Variants in BRINP1 observed in about 807,000 individuals in gnomAD.
BRINP1 encodes BMP/retinoic acid-inducible neural-specific protein 1.
BRINP1 carries 17 observed loss-of-function variants against 72.9 expected under a neutral mutation model. That is an observed-to-expected ratio of 0.23 (90% CI 0.16 to 0.35). BRINP1 has a LOEUF of 0.35. Among genes scored for constraint, BRINP1 ranks in the 10% least tolerant of loss-of-function variants. BRINP1 has a pLI of 1.00. For synonymous variants in BRINP1, 418 were observed against 378.5 expected (o/e 1.10, Z -1.21); for missense variants, 850 against 1,001.6 (o/e 0.85, Z 2.04).
intron 2 of BRINP1, among the ~76,000 whole-genome samples, chr9:119,258,629 G>A (rs1588180761): frequency 6.6e-6 from 1 of 152,192 alleles, no homozygotes; most frequent in East Asian, 1.9e-4. Flanking sequence ...TAGAGAGAGA[G>A]GGACTTGCTA....
intron 2 of BRINP1, among the ~76,000 whole-genome samples, chr9:119,291,450 TTC>T (rs889116587): frequency 1.3e-5 from 2 of 152,194 alleles, no homozygotes; most frequent in African/African-American, 4.8e-5. Flanking sequence ...TATCCAGGTG[TTC>T]TCTCTGTCTT....
chr9:119,349,249 A>T (rs1405951281), intron 1 of BRINP1, among the ~76,000 whole-genome samples: 1 of 152,184 alleles, frequency 6.6e-6, no homozygotes, highest in Admixed American at 6.5e-5. Context: ...TGGTGCCTGG[A>T]GTCCTCCTAG....
intron 7 of BRINP1, among the ~76,000 whole-genome samples, chr9:119,173,112 G>GTGT (rs1383870506): frequency 1.4e-5 from 2 of 146,254 alleles, no homozygotes; most frequent in Non-Finnish European, 3.0e-5. Flanking sequence ...ATTCAACATA[G>GTGT]TGTTGGAAGT....
chr9:119,316,285 G>A (rs759032874), intron 1 of BRINP1, among the ~76,000 whole-genome samples: 5 of 152,036 alleles, frequency 3.3e-5, no homozygotes, highest in Admixed American at 2.0e-4. Context: ...ACAGGGTTTC[G>A]CCATGTTGGC....
chr9:119,295,374 T>C (rs1197731564), intron 2 of BRINP1, among the ~76,000 whole-genome samples: 5 of 152,090 alleles, frequency 3.3e-5, no homozygotes, highest in Non-Finnish European at 7.4e-5. Flanking sequence ...CATCACAGAG[T>C]ATACTTGCAC....
At chr9:119,182,657 T>A (rs1349139546) in intron 7 of BRINP1, among the ~76,000 whole-genome samples, 2 of 152,200 alleles carry the variant, frequency 1.3e-5, no homozygotes, top group African/African-American at 4.8e-5. Context: ...CCAAAAGCCC[T>A]TACCAGACAA....
At position 119,167,941 on chromosome 9, in the gene BRINP1, A is replaced by G. The variant is rs1829340416; in HGVS notation, c.1429T>C (p.Phe477Leu). The change falls in exon 8 of 8, where the codon TTT (phenylalanine) becomes CTT (leucine). Residue 477 changes from phenylalanine (F) to leucine (L), a missense_variant. Phe to Leu is a conservative substitution (Grantham distance 22, BLOSUM62 0). Coordinates refer to ENST00000265922, the MANE Select transcript of BRINP1 (RefSeq NM_014618.3). The surrounding 1 kb of genome is among the most constrained non-coding windows in gnomAD (Gnocchi z 4.3). ...TCCTGGAAGTCCAGGTCAGTCTCAA[A>G]GCTGATGAACTGCTCGCTCCGCTCC... ...DSERSEQFIS[F>L]ETDLDFQDLE... The G allele has an allele frequency of 6.2e-7, 1 of 1,614,196 alleles. No homozygotes were observed. The highest frequency in any genetic ancestry group is 1.3e-5 in the African/African-American group (1 of 75,052).
chr9:119,208,815 T>A lies in BRINP1; in HGVS notation c.1049A>T (p.Glu350Val). 1.2e-6 allele frequency: 2 copies of A among 1,614,170 alleles called. No homozygotes were observed. The highest frequency in any genetic ancestry group is 1.7e-6 in the Non-Finnish European group (2 of 1,180,028). ...GCGTTGGATCTTTTGTCTCTGTGCC[T>A]CCGTGGCACTCTGCAGGAGCTTGTA... The part of the protein sequence containing the change: ...NRYKLLQSAT[E>V]AQRQKIQRTA... The change falls in exon 7 of 8, where the codon GAG becomes GTG. Residue 350 changes from glutamate to valine, a missense_variant. Transcript: ENST00000265922.
At position 119,368,955 on chromosome 9, in the gene BRINP1, T is replaced by G; in HGVS notation, c.-51+101A>C. 2.6e-6 allele frequency: 1 copy of G among 384,112 alleles called. No homozygotes were observed. Among genetic ancestry groups the G allele is most frequent in the Non-Finnish European group, 4.6e-6 (1 of 217,292 alleles). The allele number at this position is 384,112 out of a possible 1,614,324, so 23.8% of individuals were successfully genotyped here. On this transcript the variant is annotated intron_variant, in intron 1 of 7. Coordinates refer to ENST00000265922, the MANE Select transcript of BRINP1 (RefSeq NM_014618.3). The surrounding 1 kb of genome is among the most constrained non-coding windows in gnomAD (Gnocchi z 4.7). ...GGTGAAGAGCGGACAAGGGTGCCGGTAGGGGGAGGGGCAGAGGAGCGCGGG... is the reference window on the plus strand; with the variant it reads ...GGTGAAGAGCGGACAAGGGTGCCGGGAGGGGGAGGGGCAGAGGAGCGCGGG...
At chr9:119,202,647 T>A (rs940820713) in intron 7 of BRINP1, among the ~76,000 whole-genome samples, 4 of 152,174 alleles carry the variant, frequency 2.6e-5, no homozygotes, top group Non-Finnish European at 5.9e-5. Context: ...TCCCTTGATA[T>A]GTCCAGCTGC....
At chr9:119,330,275 A>C (rs1831286539) in intron 1 of BRINP1, among the ~76,000 whole-genome samples, 1 of 152,166 alleles carries the variant, frequency 6.6e-6, no homozygotes, top group Non-Finnish European at 1.5e-5. Context: ...CAAATTCTTT[A>C]ACAAGGCATT....
At chr9:119,353,940 G>A (rs1831532285) in intron 1 of BRINP1, among the ~76,000 whole-genome samples, 1 of 144,526 alleles carries the variant, frequency 6.9e-6, no homozygotes, top group Non-Finnish European at 1.5e-5. Context: ...CAATAGATCT[G>A]GAACAATCTT....
intron 2 of BRINP1, among the ~76,000 whole-genome samples, chr9:119,250,572 A>G (rs1223584254): frequency 6.6e-6 from 1 of 152,252 alleles, no homozygotes; most frequent in African/African-American, 2.4e-5. Flanking sequence ...GCAAGGTGCT[A>G]ATTTAATGTG....
chr9:119,305,916 A>G lies in BRINP1; in HGVS notation c.218+7222T>C, dbSNP rs114482221. Among the ~76,000 whole-genome samples the G allele has an allele frequency of 4.8e-3, 728 of 152,316 alleles. 5 individuals carry two copies. Among genetic ancestry groups the G allele is most frequent in the African/African-American group, 0.017 (691 of 41,574 alleles). On this transcript the variant is annotated intron_variant, in intron 2 of 7. Coordinates refer to ENST00000265922, the MANE Select transcript of BRINP1 (RefSeq NM_014618.3). ...TAAACATTTTTTCAAATGAGTGAGT[A>G]AGCTGCAGGTGCCCCAGATCACAGA...
At chr9:119,284,027 C>A (rs1830736779) in intron 2 of BRINP1, among the ~76,000 whole-genome samples, 1 of 152,136 alleles carries the variant, frequency 6.6e-6, no homozygotes, top group Non-Finnish European at 1.5e-5. Flanking sequence ...CCGAATGAAT[C>A]CAAATCTATA....
chr9:119,199,800 C>CTTT (rs11375044), intron 7 of BRINP1, among the ~76,000 whole-genome samples: 4 of 145,874 alleles, frequency 2.7e-5, no homozygotes, highest in African/African-American at 7.5e-5. Flanking sequence ...TCTTGTTCTT[C>CTTT]TTTTTTTTTT....
intron 7 of BRINP1, among the ~76,000 whole-genome samples, chr9:119,177,901 A>AATG (rs376107148): frequency 1.3e-4 from 20 of 152,132 alleles, no homozygotes; most frequent in African/African-American, 4.8e-4. Flanking sequence ...AGAAGGCATT[A>AATG]ATGATACAGC....
chr9:119,227,202 C>T (rs986933985), intron 5 of BRINP1, among the ~76,000 whole-genome samples: 1 of 151,974 alleles, frequency 6.6e-6, no homozygotes, highest in East Asian at 1.9e-4. Flanking sequence ...TACATGTGTT[C>T]TTATTCCCAT....
chr9:119,166,854 G>T lies in BRINP1; in HGVS notation c.*230C>A. On this transcript the variant is annotated 3_prime_UTR_variant, in exon 8 of 8. Coordinates refer to ENST00000265922, the MANE Select transcript of BRINP1 (RefSeq NM_014618.3). ...CAACTCCCTCAATGCTCCACAAAAG[G>T]CTGAGACCCTTCTTCATGACAGAGT... 2.0e-6 allele frequency: 1 copy of T among 488,966 alleles called. No individual in the cohort carries two copies. The allele number at this position is 488,966 out of a possible 1,614,324, so 30.3% of individuals were successfully genotyped here. A position where few individuals can be genotyped will look rare whatever the true frequency, so the allele number is the denominator to read the frequency against.
Sources: allele counts gnomAD v4.1 joint callset (sites outside exome capture counted in the v4.1 genomes callset), GRCh38; gene constraint gnomAD v4.1.1; non-coding constraint Gnocchi (gnomAD v3.1); transcripts MANE v1.5; gene names NCBI Gene and HGNC (gene_info 2026-07-23, HGNC 2026-07-21).